Variants in MOK observed in about 807,000 individuals in gnomAD.
MOK encodes the protein MOK protein kinase.
Under a neutral mutation model 54.2 loss-of-function variants are expected in MOK, and 59 were observed. The observed-to-expected ratio is 1.09, with a 90% confidence interval of 0.88 to 1.35. The LOEUF (loss-of-function observed/expected upper bound fraction) is 1.35, where lower values mean the gene tolerates loss of function less well. MOK is among the 40% of genes most tolerant of loss of function. The pLI is 0.00. For missense variants in MOK, 517 were observed against 526.2 expected (o/e 0.98, Z 0.17); for synonymous variants, 210 against 202.7 (o/e 1.04, Z -0.31).
chr14:102,221,911 C>A, downstream of MOK, among the ~76,000 whole-genome samples: 1 of 152,182 alleles, frequency 6.6e-6, no homozygotes, highest in East Asian at 1.9e-4. The surrounding 1 kb of genome is among the most constrained non-coding windows in gnomAD (Gnocchi z 4.8). Context: ...ACCTTTGGGG[C>A]TGCACTGTCG....
At chr14:102,268,194 A>G (rs1020925290) in intron 2 of MOK, among the ~76,000 whole-genome samples, 1 of 152,182 alleles carries the variant, frequency 6.6e-6, no homozygotes, top group Non-Finnish European at 1.5e-5. Context: ...TATTTTGCTT[A>G]TTGTAGATAG....
intron 1 of MOK, among the ~76,000 whole-genome samples, chr14:102,300,412 G>A (rs2072048923): frequency 6.6e-6 from 1 of 151,424 alleles, no homozygotes; most frequent in South Asian, 2.1e-4. Flanking sequence ...AGCTGGGCGA[G>A]GAGGCACATG....
rs748689086 is a variant in MOK, at chr14:102,261,041, A to T, written c.283+2505T>A. 7.2e-5 allele frequency among the ~76,000 whole-genome samples: 11 copies of T among 151,824 alleles called. No homozygotes were observed. In the South Asian group the frequency reaches 1.7e-3, roughly 23 times the overall value. ...GGGAGGCCGAGACAGGCAGATCACG[A>T]CGTCAAGAGATCAAGGCCATCCTGG... On this transcript the variant is annotated intron_variant, in intron 4 of 11. Transcript: ENST00000361847.
intron 4 of MOK, among the ~76,000 whole-genome samples, chr14:102,259,372 A>T (rs2067212651): frequency 6.6e-6 from 1 of 152,130 alleles, no homozygotes; most frequent in Admixed American, 6.6e-5. Flanking sequence ...AATAACCGTA[A>T]ATAATTAGGT....
chr14:102,280,138 A>G (rs2069265193), intron 2 of MOK, among the ~76,000 whole-genome samples: 1 of 151,932 alleles, frequency 6.6e-6, no homozygotes. Flanking sequence ...GGTGAGGTAC[A>G]TCCTGGATCT....
intron 1 of MOK, among the ~76,000 whole-genome samples, chr14:102,299,277 G>A (rs990590376): frequency 1.3e-5 from 2 of 152,198 alleles, no homozygotes; most frequent in African/African-American, 4.8e-5. Context: ...ACTTTGGGAG[G>A]CCGAGGCGGG....
intron 7 of MOK, among the ~76,000 whole-genome samples, chr14:102,250,014 G>C (rs2066400266): frequency 6.6e-6 from 1 of 152,164 alleles, no homozygotes; most frequent in Non-Finnish European, 1.5e-5. Flanking sequence ...ACAGGACCTG[G>C]GCTCATGGGA....
chr14:102,233,968 T>C, intron 7 of MOK, 179 bp from the exon 8 acceptor site: 1 of 570,206 alleles, frequency 1.8e-6, no homozygotes, highest in Non-Finnish European at 3.1e-6. Flanking sequence ...CACAAGGTGA[T>C]ATGTGGCAAA....
intron 1 of MOK, among the ~76,000 whole-genome samples, chr14:102,287,345 T>C (rs2070240937): frequency 6.6e-6 from 1 of 152,184 alleles, no homozygotes; most frequent in African/African-American, 2.4e-5. Flanking sequence ...GGCACATGCC[T>C]GTAATCCCAG....
At chr14:102,304,320 A>G (rs2072546621) in intron 1 of MOK, among the ~76,000 whole-genome samples, 1 of 152,220 alleles carries the variant, frequency 6.6e-6, no homozygotes. Context: ...TGGATTGTCA[A>G]TAATCCACAA....
intron 2 of MOK, chr14:102,283,175 TA>T (rs5811064): frequency 0.021 from 4,260 of 202,904 alleles, 114 homozygotes; most frequent in Admixed American, 0.099. Context: ...TTTTTTTAAT[TA>T]AAAAAAAAAG....
In MOK at chr14:102,250,994, G is replaced by T; in HGVS notation, c.412-4C>A. Reference sequence around the variant, plus strand: ...CCCCTAATTTCAGGACATCCTGCTGGAAGGGGAAAGAAGCAAGGACAAGTA... The same window carrying T: ...CCCCTAATTTCAGGACATCCTGCTGTAAGGGGAAAGAAGCAAGGACAAGTA... On this transcript the variant is annotated splice_polypyrimidine_tract_variant and splice_region_variant and intron_variant, in intron 6 of 11. Coordinates refer to ENST00000361847, the MANE Select transcript of MOK (RefSeq NM_014226.3). 6.2e-7 allele frequency: 1 copy of T among 1,613,554 alleles called. No homozygotes were observed. Among genetic ancestry groups the T allele is most frequent in the South Asian group, 1.1e-5 (1 of 91,050 alleles).
chr14:102,259,113 T>G (rs1452863209), intron 4 of MOK, among the ~76,000 whole-genome samples: 1 of 151,808 alleles, frequency 6.6e-6, no homozygotes, highest in East Asian at 1.9e-4. Context: ...ATAAAAAACA[T>G]GCATCTGACA....
rs1158632327 is a variant in MOK, at chr14:102,299,124, C to T, written c.7+5838G>A. 2.6e-5 allele frequency among the ~76,000 whole-genome samples: 4 copies of T among 152,122 alleles called. No individual in the cohort carries two copies. In the East Asian group the frequency reaches 5.8e-4, roughly 22 times the overall value. On this transcript the variant is annotated intron_variant, in intron 1 of 11. Coordinates refer to ENST00000361847, the MANE Select transcript of MOK (RefSeq NM_014226.3). ...CAAGAACCCACCAACTGCGGACACA[C>T]CAGCATTTAAGAAAGACAAATTACT...
intron 7 of MOK, among the ~76,000 whole-genome samples, chr14:102,242,275 T>G (rs2153099034): frequency 6.6e-6 from 1 of 152,342 alleles, no homozygotes. Context: ...GCCAGGCTTC[T>G]AAACCTTTTA....
intron 2 of MOK, among the ~76,000 whole-genome samples, chr14:102,275,247 C>T (rs1331246477): frequency 2.0e-5 from 3 of 152,090 alleles, no homozygotes; most frequent in South Asian, 2.1e-4. Flanking sequence ...TGATCCCTAC[C>T]GCTCACCATT....
rs372572866 is a variant in MOK at position 102,294,850 on chromosome 14, C to T, written c.7+10112G>A. ...AGTGTGTGCCAATGTCCCAGGCTGG[C>T]TCGAAACCATCACAACCAGCAATAA... On this transcript the variant is annotated intron_variant, in intron 1 of 11. Coordinates refer to ENST00000361847, the MANE Select transcript of MOK (RefSeq NM_014226.3). Among the ~76,000 whole-genome samples the T allele has an allele frequency of 1.1e-4, 16 of 152,252 alleles. No individual in the cohort carries two copies. The East Asian group carries it at 2.5e-3, about 24-fold the overall frequency.
Position 102,305,059 on chromosome 14 carries a change from G to C in MOK, c.-91C>G. ...TTGTCCCCCTGCTTTCCACTTCCCT[G>C]AGGCGGGGTCCCGCACTAGGATCTC... On this transcript the variant is annotated 5_prime_UTR_variant, in exon 1 of 12. Coordinates refer to ENST00000361847, the MANE Select transcript of MOK (RefSeq NM_014226.3). 6.8e-7 allele frequency: 1 copy of C among 1,470,848 alleles called. No individual in the cohort carries two copies. Among genetic ancestry groups the C allele is most frequent in the South Asian group, 1.2e-5 (1 of 82,808 alleles). 91.1% of individuals were successfully genotyped at this position (1,470,848 alleles called of 1,614,324 possible).
intron 4 of MOK, among the ~76,000 whole-genome samples, chr14:102,259,808 G>A (rs1318288413): frequency 6.6e-6 from 1 of 152,084 alleles, no homozygotes; most frequent in Admixed American, 6.6e-5. Flanking sequence ...CACTTTGAGA[G>A]GCCAAGGCGG....
Sources: allele counts gnomAD v4.1 joint callset (sites outside exome capture counted in the v4.1 genomes callset), GRCh38; gene constraint gnomAD v4.1.1; non-coding constraint Gnocchi (gnomAD v3.1); transcripts MANE v1.5; gene names NCBI Gene and HGNC (gene_info 2026-07-23, HGNC 2026-07-21).